RNF213: variants seen among roughly 807,000 people sequenced by gnomAD.
The protein encoded by RNF213 is E3 ubiquitin-protein ligase RNF213.
A neutral mutation model predicts 514.4 loss-of-function variants in RNF213; 341 were observed. The ratio of observed to expected loss-of-function variants is 0.66; its 90% CI spans 0.61 to 0.73. The LOEUF (loss-of-function observed/expected upper bound fraction) is 0.73, where lower values mean the gene tolerates loss of function less well. Among genes scored for constraint, RNF213 ranks in the 30% least tolerant of loss-of-function variants. RNF213 has a pLI of 0.00. For synonymous variants in RNF213, 2,655 were observed against 2,658.2 expected (o/e 1.00, Z 0.04); for missense variants, 5,767 against 6,615.6 (o/e 0.87, Z 4.45).
chr17:80,327,128 T>C (rs9913720), intron 18 of RNF213, among the ~76,000 whole-genome samples: 98,120 of 152,078 alleles, frequency 0.65, 32,509 homozygotes, highest in Middle Eastern at 0.69. Context: ...GTCTGCATCC[T>C]CTGGTGCAGT....
At chr17:80,360,636 A>G (rs541656510) in intron 38 of RNF213, among the ~76,000 whole-genome samples, 2 of 151,670 alleles carry the variant, frequency 1.3e-5, no homozygotes, top group Non-Finnish European at 2.9e-5. Flanking sequence ...AGCATCCCCT[A>G]CTCCCAGGTG....
At chr17:80,339,108 G>A (rs2078074176) in intron 25 of RNF213, 93 bp from the exon 26 acceptor site, 34 of 1,105,294 alleles carry the variant, frequency 3.1e-5, no homozygotes, top group Middle Eastern at 2.2e-4. Context: ...GGACAGGGCC[G>A]TCTTTTGGCG....
chr17:80,343,455 G>A lies in RNF213; in HGVS notation c.6183+130G>A. The A allele has an allele frequency of 1.1e-6, 1 of 871,188 alleles. No homozygotes were observed. Among genetic ancestry groups the A allele is most frequent in the Non-Finnish European group, 1.9e-6 (1 of 539,094 alleles). 54.0% of individuals were successfully genotyped at this position (871,188 alleles called of 1,614,324 possible). A position where few individuals can be genotyped will look rare whatever the true frequency, so the allele number is the denominator to read the frequency against. ...ACAGTCCTGTGAAGCTTAACAGTGG[G>A]AATGTGCTCTGAGAAGTGTGTTGTC... On this transcript the variant is annotated intron_variant, in intron 27 of 67. Transcript: ENST00000582970. The surrounding 1 kb of genome is among the most constrained non-coding windows in gnomAD (Gnocchi z 4.3).
rs1160935533 is a variant in RNF213 at position 80,262,049 on chromosome 17, T to C, written c.-109+1147T>C. ...TTGGAGGATTTTTCGAGTTTTCTGGTCTGTGGTTCCCCAGTGTAGCATTGG... is the reference window on the plus strand; with the variant it reads ...TTGGAGGATTTTTCGAGTTTTCTGGCCTGTGGTTCCCCAGTGTAGCATTGG... On this transcript the variant is annotated intron_variant, in intron 1 of 67. Coordinates refer to ENST00000582970, the MANE Select transcript of RNF213 (RefSeq NM_001256071.3). 2.6e-5 allele frequency among the ~76,000 whole-genome samples: 4 copies of C among 152,088 alleles called. No homozygotes were observed. In the East Asian group the frequency reaches 7.7e-4, roughly 29 times the overall value.
chr17:80,391,914 G>A (rs2080490189), intron 67 of RNF213, among the ~76,000 whole-genome samples: 1 of 151,722 alleles, frequency 6.6e-6, no homozygotes, highest in Non-Finnish European at 1.5e-5. Context: ...GGGACTACAG[G>A]CATGCACCTG....
At chr17:80,373,697 G>A (rs1278368724) in intron 49 of RNF213, among the ~76,000 whole-genome samples, 1 of 152,142 alleles carries the variant, frequency 6.6e-6, no homozygotes, top group Admixed American at 6.5e-5. Context: ...AAGAATTGCA[G>A]AAGAGGCTTC....
rs77239314 is a variant in RNF213 at position 80,291,763 on chromosome 17, G to T, written c.1407G>T (p.Gln469His). ...SFEYEFIYKH[Q>H]QKKGEYVNRC... ...AGTATGAGTTCATTTACAAGCACCA[G>T]CAGAAGAAGGGCGAGTACGTCAACC... Residue 469 changes from glutamine (Q) to histidine (H), a missense_variant, in exon 8 of 68, where the codon CAG (glutamine) becomes CAT (histidine). Physicochemically the swap from Gln to His is conservative, Grantham distance 24 (BLOSUM62 0). Around this residue, in one of 13 missense-constraint regions of RNF213, gnomAD observed 592 missense variants for 673.9 expected, o/e 0.88. Coordinates refer to ENST00000582970, the MANE Select transcript of RNF213 (RefSeq NM_001256071.3). The T allele has an allele frequency of 1.3e-3, 2,041 of 1,614,194 alleles. 21 individuals carry two copies. The African/African-American group carries it at 0.025, about 20-fold the overall frequency.
Position 80,377,681 on chromosome 17 carries a change from G to C in RNF213, c.13511-81G>C, listed in dbSNP as rs149653984. The C allele has an allele frequency of 6.0e-6, 9 of 1,498,962 alleles. No homozygotes were observed. The highest frequency in any genetic ancestry group is 8.4e-6 in the Non-Finnish European group (9 of 1,074,856). The allele number at this position is 1,498,962 out of a possible 1,614,324, so 92.9% of individuals were successfully genotyped here. The stretch of plus-strand genomic sequence containing the variant: ...CTCATATTGTGGTCAGGGCCAGAGA[G>C]TAGAGAGTTAGCTTTCCCTTTTCAA... On this transcript the variant is annotated intron_variant, in intron 53 of 67. Transcript: ENST00000582970. This position sits in a 1 kb window ranked among gnomAD's most constrained non-coding sequence, Gnocchi z 4.1.
At chr17:80,356,489 C>T (rs1188408097) in intron 36 of RNF213, among the ~76,000 whole-genome samples, 1 of 152,244 alleles carries the variant, frequency 6.6e-6, no homozygotes, top group Non-Finnish European at 1.5e-5. Flanking sequence ...AGCTCACCTG[C>T]CCCAGGGCCA....
At chr17:80,381,363 C>A in intron 56 of RNF213, 184 bp from the exon 57 acceptor site, 1 of 691,032 alleles carries the variant, frequency 1.4e-6, no homozygotes, top group Non-Finnish European at 2.6e-6. Context: ...ACTGTAACAA[C>A]AGAAAAGCCA....
At chr17:80,268,652 T>TATCC (rs1242422450) in intron 2 of RNF213, among the ~76,000 whole-genome samples, 1 of 151,866 alleles carries the variant, frequency 6.6e-6, no homozygotes, top group African/African-American at 2.4e-5. Context: ...TCTGTCTATC[T>TATCC]ATCTGTCATC....
chr17:80,301,393 A>C (rs2045173342), intron 11 of RNF213, among the ~76,000 whole-genome samples: 1 of 151,956 alleles, frequency 6.6e-6, no homozygotes, highest in Non-Finnish European at 1.5e-5. Flanking sequence ...AGTCCACGGA[A>C]TGGGAGAAAA....
At chr17:80,322,192 G>A (rs1245722999) in intron 17 of RNF213, among the ~76,000 whole-genome samples, 2 of 102,414 alleles carry the variant, frequency 2.0e-5, no homozygotes, top group Non-Finnish European at 3.5e-5. Flanking sequence ...AAAAGGTCTC[G>A]CTTTGTCACC....
chr17:80,313,806 GTAA>G (rs2045685714), intron 15 of RNF213, among the ~76,000 whole-genome samples: 3 of 63,012 alleles, frequency 4.8e-5, no homozygotes, highest in Non-Finnish European at 7.2e-5. Flanking sequence ...GATGGTGGAG[GTAA>G]TGGAGGTGAT....
At position 80,317,321 on chromosome 17, in the gene RNF213, GC is replaced by G. The variant is rs772077194; in HGVS notation, c.2901+45del. 50 of 1,568,106 alleles carry G rather than the reference GC, an allele frequency of 3.2e-5. No homozygotes were observed. The African/African-American group carries it at 6.5e-4, about 20-fold the overall frequency. On this transcript the variant is annotated intron_variant, in intron 16 of 67. Coordinates refer to ENST00000582970, the MANE Select transcript of RNF213 (RefSeq NM_001256071.3). This position sits in a 1 kb window ranked among gnomAD's most constrained non-coding sequence, Gnocchi z 4.1. Reference sequence around the variant, plus strand: ...CAGTCTTTTCAGGGCGTGAAGGCAAGCTGGAGAACCCCAGACCATTAGCGAC... The same window carrying G: ...CAGTCTTTTCAGGGCGTGAAGGCAAGTGGAGAACCCCAGACCATTAGCGAC...
intron 14 of RNF213, among the ~76,000 whole-genome samples, chr17:80,311,890 G>A (rs2045586356): frequency 2.0e-5 from 3 of 152,336 alleles, no homozygotes; most frequent in South Asian, 4.1e-4. Context: ...ACTTTGGAAG[G>A]CCAAAGCAGG....
At chr17:80,379,328 A>T (rs2079890889) in intron 54 of RNF213, 1 of 430,258 alleles carries the variant, frequency 2.3e-6, no homozygotes, top group African/African-American at 2.0e-5. Context: ...AGTGCTGAAT[A>T]CAAGAAAGGA....
chr17:80,363,519 C>A, intron 40 of RNF213, 90 bp from the exon 41 acceptor site: 1 of 1,459,398 alleles, frequency 6.9e-7, no homozygotes, highest in Non-Finnish European at 9.5e-7. Context: ...AAGCCTGGGA[C>A]ACAAGTATAC....
At position 80,332,046 on chromosome 17, in the gene RNF213, C is replaced by G. The variant is rs937905152; in HGVS notation, c.3558C>G (p.Leu1186=). Residue 1186 remains leucine, a synonymous_variant, in exon 21 of 68, where the codon CTC becomes CTG. Transcript: ENST00000582970. ...GVLAVRHSQD[L]SSKRLNDTVT... is the part of the protein sequence containing the mutation. ...TTGCAGTAAGACACTCACAAGACCTCAGCAGTAAAAGATTAAATGACACCG... is the reference window on the plus strand; with the variant it reads ...TTGCAGTAAGACACTCACAAGACCTGAGCAGTAAAAGATTAAATGACACCG... 1.1e-5 allele frequency: 17 copies of G among 1,536,990 alleles called. No homozygotes were observed. Among genetic ancestry groups the G allele is most frequent in the Admixed American group, 5.9e-5 (3 of 50,976 alleles).
Sources: allele counts gnomAD v4.1 joint callset (sites outside exome capture counted in the v4.1 genomes callset), GRCh38; gene constraint gnomAD v4.1.1; regional missense constraint gnomAD v4.1.1; non-coding constraint Gnocchi (gnomAD v3.1); transcripts MANE v1.5; gene names NCBI Gene and HGNC (gene_info 2026-07-23, HGNC 2026-07-21).